Variants in HSP90B1 observed in about 807,000 individuals in gnomAD.
HSP90B1 encodes the protein heat shock protein 90 beta family member 1, also known as endoplasmin.
In HSP90B1, 27 loss-of-function variants were observed where a neutral mutation model predicts 100.4. The observed-to-expected ratio is 0.27, with a 90% confidence interval of 0.20 to 0.37. The LOEUF (loss-of-function observed/expected upper bound fraction) is 0.37. HSP90B1 is among the 10% of genes least tolerant of loss of function. HSP90B1 has a pLI of 1.00. For synonymous variants in HSP90B1, 304 were observed against 330.8 expected (o/e 0.92, Z 0.88); for missense variants, 678 against 960.5 (o/e 0.71, Z 3.89).
In HSP90B1 at chr12:103,930,459, G is replaced by C. The variant is rs927718247; in HGVS notation, c.-57G>C. The C allele has an allele frequency of 1.1e-5, 13 of 1,173,974 alleles. 1 individual carries two copies. In the Admixed American group the frequency reaches 1.2e-4, roughly 11 times the overall value. The allele number at this position is 1,173,974 out of a possible 1,614,324, so 72.7% of individuals were successfully genotyped here. On this transcript the variant is annotated 5_prime_UTR_variant, in exon 1 of 18. Coordinates refer to ENST00000299767, the MANE Select transcript of HSP90B1 (RefSeq NM_003299.3). The surrounding 1 kb of genome is among the most constrained non-coding windows in gnomAD (Gnocchi z 4.4). ...GTGTGAGGATCCGAACCCAGGGGTG[G>C]GGGGTGGAGGCGGCTCCTGCGATCG... is the stretch of plus-strand genomic sequence containing the variant.
chr12:103,947,224 G>A, intron 16 of HSP90B1, 87 bp from the exon 17 acceptor site: 1 of 1,460,220 alleles, frequency 6.8e-7, no homozygotes, highest in Non-Finnish European at 9.2e-7. Context: ...ATAAACAGAA[G>A]TGACATTAAT....
Position 103,947,807 on chromosome 12 carries a change from G to A in HSP90B1, c.*145G>A, listed in dbSNP as rs1566169152. The A allele has an allele frequency of 1.3e-6, 1 of 749,452 alleles. No homozygotes were observed. Among genetic ancestry groups the A allele is most frequent in the East Asian group, 2.6e-5 (1 of 38,792 alleles). 46.4% of individuals were successfully genotyped at this position (749,452 alleles called of 1,614,324 possible). ...GTGGGATTATGGGTCACAGGAAAAA[G>A]TGGGTTTTTTAGTTGAATTTTTTTT... On this transcript the variant is annotated 3_prime_UTR_variant, in exon 18 of 18. Coordinates refer to ENST00000299767, the MANE Select transcript of HSP90B1 (RefSeq NM_003299.3).
At chr12:103,942,823 GC>G in intron 12 of HSP90B1, 27 bp downstream of exon 12, 1 of 1,609,920 alleles carries the variant, frequency 6.2e-7, no homozygotes, top group Non-Finnish European at 8.5e-7. Flanking sequence ...AGTGTTGTCA[GC>G]CATTCTGGAA....
At position 103,946,679 on chromosome 12, in the gene HSP90B1, A is replaced by G; in HGVS notation, c.2089A>G (p.Met697Val). 1.9e-6 allele frequency: 3 copies of G among 1,614,046 alleles called. No individual in the cohort carries two copies. Among genetic ancestry groups the G allele is most frequent in the Non-Finnish European group, 2.5e-6 (3 of 1,179,908 alleles). ...INPRHPLIRD[M>V]LRRIKEDEDD... ...TCCCAGACACCCGCTGATCAGAGAC[A>G]TGCTTCGACGAATTAAGGTAGTATT... Residue 697 changes from methionine (M) to valine (V), a missense_variant, in exon 15 of 18, where the codon ATG (methionine) becomes GTG (valine). By Grantham distance (21) the Met-to-Val change is conservative. This residue lies in a region of HSP90B1 where 64 missense variants were observed against 66.4 expected (regional missense o/e 0.96). Coordinates refer to ENST00000299767, the MANE Select transcript of HSP90B1 (RefSeq NM_003299.3).
In HSP90B1 at chr12:103,930,596, C is replaced by T. The variant is rs545817623; in HGVS notation, c.49+32C>T. 440 of 1,592,310 alleles carry T rather than the reference C, an allele frequency of 2.8e-4. 7 individuals carry two copies. The South Asian group carries it at 4.7e-3, about 17-fold the overall frequency. On this transcript the variant is annotated intron_variant, in intron 1 of 17. Coordinates refer to ENST00000299767, the MANE Select transcript of HSP90B1 (RefSeq NM_003299.3). This position sits in a 1 kb window ranked among gnomAD's most constrained non-coding sequence, Gnocchi z 4.4. The stretch of plus-strand genomic sequence containing the variant: ...GATTCTGGAGGAGCAGACGTCCCCC[C>T]TCCACACACGCGGCCGCTTCTCGAA...
At chr12:103,934,849 G>A (rs1869865043) in intron 5 of HSP90B1, among the ~76,000 whole-genome samples, 1 of 152,168 alleles carries the variant, frequency 6.6e-6, no homozygotes, top group African/African-American at 2.4e-5. Context: ...TTACAGGCAT[G>A]TGCCACCACG....
At chr12:103,944,008 C>A in intron 14 of HSP90B1, 134 bp downstream of exon 14, 1 of 708,224 alleles carries the variant, frequency 1.4e-6, no homozygotes, top group Non-Finnish European at 2.2e-6. Flanking sequence ...AGGTAGACAA[C>A]AAGTTTACGA....
rs1295880790 is a variant in HSP90B1 at position 103,931,640 on chromosome 12, A to C, written c.152+17A>C. On this transcript the variant is annotated intron_variant, in intron 2 of 17. Transcript: ENST00000299767. Reference sequence around the variant, plus strand: ...AGTACAGAGGTTTGTGTTCATTTGAACTTACGTATACAGATAAGCCGTGTG... The same window carrying C: ...AGTACAGAGGTTTGTGTTCATTTGACCTTACGTATACAGATAAGCCGTGTG... The C allele has an allele frequency of 7.1e-6, 11 of 1,542,906 alleles. No homozygotes were observed. The highest frequency in any genetic ancestry group is 9.0e-7 in the Non-Finnish European group (1 of 1,116,314).
chr12:103,937,651 C>A (rs1295741118), intron 5 of HSP90B1, 44 bp from the exon 6 acceptor site: 6 of 924,106 alleles, frequency 6.5e-6, no homozygotes, highest in Non-Finnish European at 1.1e-5. Context: ...ATAATCAGAT[C>A]TTCTAAATGT....
intron 5 of HSP90B1, among the ~76,000 whole-genome samples, chr12:103,936,894 T>C (rs1463845058): frequency 6.6e-6 from 1 of 152,150 alleles, no homozygotes; most frequent in Non-Finnish European, 1.5e-5. Flanking sequence ...TGGCTACTTA[T>C]TGGCCAGGTA....
At chr12:103,940,369 C>T (rs1870039967) in intron 8 of HSP90B1, among the ~76,000 whole-genome samples, 1 of 151,338 alleles carries the variant, frequency 6.6e-6, no homozygotes, top group Non-Finnish European at 1.5e-5. Context: ...TTGATCCCTT[C>T]TTGTAACTCT....
rs375719261 is a variant in HSP90B1 at position 103,937,753 on chromosome 12, G to A, written c.802G>A (p.Val268Ile). 75 of 1,596,462 alleles carry A rather than the reference G, an allele frequency of 4.7e-5. No homozygotes were observed. Among genetic ancestry groups the A allele is most frequent in the Middle Eastern group, 1.9e-4 (1 of 5,384 alleles). Residue 268 changes from valine to isoleucine, a missense_variant, in exon 6 of 18, where the codon GTC (valine) becomes ATC (isoleucine). By Grantham distance (29) the Val-to-Ile change is conservative. Transcript: ENST00000299767. ...YLELDTIKNL[V>I]KKYSQFINFP... The stretch of plus-strand genomic sequence containing the variant: ...TGAATTGGATACAATTAAAAATCTC[G>A]TCAAAAAATATTCACAGTTCATAAA...
rs776928448 is a variant in HSP90B1, at chr12:103,932,238, A to G, written c.153-39A>G. 21 of 1,570,634 alleles carry G rather than the reference A, an allele frequency of 1.3e-5. 1 individual carries two copies. The South Asian group carries it at 2.1e-4, about 16-fold the overall frequency. ...AATTCCTCTAGTTTTGAAGGGAACT[A>G]TGCCATGCAATATTTGCTTACCTAA... On this transcript the variant is annotated intron_variant, in intron 2 of 17. Transcript: ENST00000299767.
At chr12:103,934,372 A>T in intron 5 of HSP90B1, 85 bp downstream of exon 5, 1 of 1,075,380 alleles carries the variant, frequency 9.3e-7, no homozygotes, top group Non-Finnish European at 1.3e-6. Context: ...CAAATGACTT[A>T]TTCTGGGCCT....
At position 103,930,489 on chromosome 12, in the gene HSP90B1, G is replaced by A. The variant is rs575496973; in HGVS notation, c.-27G>A. On this transcript the variant is annotated 5_prime_UTR_variant, in exon 1 of 18. Transcript: ENST00000299767. The surrounding 1 kb of genome is among the most constrained non-coding windows in gnomAD (Gnocchi z 4.4). ...TGGAGGCGGCTCCTGCGATCGAAGG[G>A]GACTTGAGACTCACCGGCCGCACGC... 1.8e-5 allele frequency: 29 copies of A among 1,595,408 alleles called. No individual in the cohort carries two copies. In the Admixed American group the frequency reaches 4.9e-4, roughly 27 times the overall value.
In HSP90B1 at chr12:103,941,566, C is replaced by T; in HGVS notation, c.1230+19C>T. Reference sequence around the variant, plus strand: ...CATTAAGGTGAGTTTTTAAGTAGTACATGCTGCGTTTAAAATTTGAAAGTT... The same window carrying T: ...CATTAAGGTGAGTTTTTAAGTAGTATATGCTGCGTTTAAAATTTGAAAGTT... On this transcript the variant is annotated intron_variant, in intron 9 of 17. Transcript: ENST00000299767. The T allele has an allele frequency of 6.2e-7, 1 of 1,613,882 alleles. No homozygotes were observed. Among genetic ancestry groups the T allele is most frequent in the East Asian group, 2.2e-5 (1 of 44,884 alleles).
intron 16 of HSP90B1, 75 bp from the exon 17 acceptor site, chr12:103,947,236 A>G: frequency 6.7e-7 from 1 of 1,490,812 alleles, no homozygotes; most frequent in South Asian, 1.4e-5. Flanking sequence ...GACATTAATT[A>G]TGATTTTATA....
intron 9 of HSP90B1, 27 bp downstream of exon 9, chr12:103,941,574 G>A (rs773881030): frequency 2.7e-5 from 43 of 1,613,674 alleles, no homozygotes; most frequent in African/African-American, 1.7e-4. Context: ...TACATGCTGC[G>A]TTTAAAATTT....
chr12:103,947,054 T>TAC (rs1593493656), intron 16 of HSP90B1, 113 bp downstream of exon 16: 1 of 1,243,122 alleles, frequency 8.0e-7, no homozygotes, highest in East Asian at 2.4e-5. Context: ...GCCTAATTTC[T>TAC]ACCTTTTGAA....
Sources: gnomAD v4.1 joint callset for allele counts (sites outside exome capture counted in the v4.1 genomes callset) on GRCh38, gnomAD v4.1.1 for gene constraint, gnomAD v4.1.1 regional missense constraint, Gnocchi (gnomAD v3.1) non-coding constraint, MANE v1.5 for transcripts, NCBI Gene and HGNC (gene_info 2026-07-23, HGNC 2026-07-21) for gene names.